Variants in GART observed in about 807,000 individuals in gnomAD.
GART encodes phosphoribosylglycinamide formyltransferase, phosphoribosylglycinamide synthetase, phosphoribosylaminoimidazole synthetase.
A neutral mutation model predicts 107.2 loss-of-function variants in GART; 43 were observed. The observed-to-expected ratio is 0.40, with a 90% confidence interval of 0.31 to 0.52. GART has a LOEUF of 0.52. Among genes scored for constraint, GART ranks in the 20% least tolerant of loss-of-function variants. The pLI is 0.52. For missense variants in GART, 1,107 were observed against 1,206.5 expected (o/e 0.92, Z 1.22); for synonymous variants, 434 against 427.0 (o/e 1.02, Z -0.20).
intron 4 of GART, among the ~76,000 whole-genome samples, chr21:33,533,356 A>G (rs941539140): frequency 4.6e-5 from 7 of 151,684 alleles, no homozygotes; most frequent in East Asian, 1.9e-4. Context: ...GCAGAATGGC[A>G]TGAACCTGGG....
intron 18 of GART, among the ~76,000 whole-genome samples, chr21:33,506,846 C>G (rs555144563): frequency 5.2e-4 from 79 of 152,132 alleles, no homozygotes; most frequent in African/African-American, 1.9e-3. Flanking sequence ...CAGAGAAATG[C>G]AAATCAAAAC....
At chr21:33,520,309 G>C in intron 14 of GART, 55 bp downstream of exon 14, 1 of 1,522,052 alleles carries the variant, frequency 6.6e-7, no homozygotes, top group South Asian at 1.1e-5. Context: ...TTTTACATAG[G>C]GCTAAAACAC....
intron 14 of GART, among the ~76,000 whole-genome samples, chr21:33,519,290 A>G (rs1300835551): frequency 3.3e-5 from 5 of 152,188 alleles, no homozygotes; most frequent in Admixed American, 1.3e-4. Context: ...ACGGTGGCTC[A>G]TGCCTGTAAT....
intron 4 of GART, among the ~76,000 whole-genome samples, chr21:33,533,350 A>G (rs2085232559): frequency 6.6e-6 from 1 of 151,666 alleles, no homozygotes; most frequent in South Asian, 2.1e-4. Context: ...GAAGCAGCAG[A>G]ATGGCATGAA....
At chr21:33,531,228 A>G in intron 6 of GART, 1 of 436,408 alleles carries the variant, frequency 2.3e-6, no homozygotes, top group Non-Finnish European at 4.0e-6. Context: ...TGAAAGAAAA[A>G]GCATGAATGC....
Position 33,505,707 on chromosome 21 carries a change from A to G in GART, c.2584-5T>C. On this transcript the variant is annotated splice_region_variant and splice_polypyrimidine_tract_variant and intron_variant, in intron 19 of 21. Transcript: ENST00000381815. ...ATACAGTTTATGATTAATTACCTGT[A>G]ATAGAAAAAGATAAGCACAACCCTT... 1 of 1,584,468 alleles carries G rather than the reference A, an allele frequency of 6.3e-7. No individual in the cohort carries two copies. The highest frequency in any genetic ancestry group is 8.6e-7 in the Non-Finnish European group (1 of 1,169,206).
intron 11 of GART, among the ~76,000 whole-genome samples, chr21:33,523,418 A>G (rs1209590556): frequency 6.6e-6 from 1 of 152,194 alleles, no homozygotes; most frequent in Admixed American, 6.5e-5. Flanking sequence ...AACTTAAATA[A>G]TTCAGACTAG....
chr21:33,521,142 G>T, intron 12 of GART, 127 bp from the exon 13 acceptor site: 1 of 668,748 alleles, frequency 1.5e-6, no homozygotes. Flanking sequence ...GGAAGAAATA[G>T]ATGATTGGAA....
chr21:33,524,427 T>A, intron 11 of GART: 1 of 577,662 alleles, frequency 1.7e-6, no homozygotes. Context: ...GGCCTGTGCC[T>A]GTAGTCCCAG....
intron 6 of GART, chr21:33,531,133 G>T (rs1002644434): frequency 7.7e-6 from 3 of 388,678 alleles, no homozygotes; most frequent in Non-Finnish European, 1.3e-5. Flanking sequence ...CAAAGTAAAA[G>T]ATTTCAACCT....
chr21:33,536,337 C>T (rs771954977), intron 2 of GART, among the ~76,000 whole-genome samples: 2 of 152,144 alleles, frequency 1.3e-5, no homozygotes, highest in Admixed American at 6.5e-5. Context: ...GGATCAACCA[C>T]ATACTGAACA....
chr21:33,520,900 G>A lies in GART; in HGVS notation c.1503+6C>T. The A allele has an allele frequency of 6.3e-7, 1 of 1,580,596 alleles. No homozygotes were observed. The highest frequency in any genetic ancestry group is 8.6e-7 in the Non-Finnish European group (1 of 1,158,356). ...AAGGCCTTTATTCACAAAGGTGTCT[G>A]ATTACCTTTAGTTTAGTTCCAACGC... On this transcript the variant is annotated splice_donor_region_variant and intron_variant, in intron 13 of 21. Transcript: ENST00000381815.
intron 11 of GART, 53 bp downstream of exon 11, chr21:33,524,716 C>A: frequency 6.2e-7 from 1 of 1,611,162 alleles, no homozygotes; most frequent in South Asian, 1.1e-5. Context: ...TCTACATAGC[C>A]ATTTAGGCCA....
At chr21:33,537,479 G>A (rs2085326994) in intron 2 of GART, among the ~76,000 whole-genome samples, 1 of 152,182 alleles carries the variant, frequency 6.6e-6, no homozygotes, top group Non-Finnish European at 1.5e-5. Context: ...TTCTACTAGA[G>A]ATTATATTCT....
intron 8 of GART, 111 bp downstream of exon 8, chr21:33,528,739 G>C: frequency 1.0e-6 from 1 of 966,588 alleles, no homozygotes; most frequent in Non-Finnish European, 1.5e-6. Flanking sequence ...TTTAAAAAAT[G>C]GTCCATTAAA....
At chr21:33,515,768 A>T (rs1365620895) in intron 16 of GART, among the ~76,000 whole-genome samples, 11 of 151,598 alleles carry the variant, frequency 7.3e-5, no homozygotes, top group Admixed American at 3.3e-4. Context: ...CCCTTTTACC[A>T]GTATGTTTCT....
At position 33,520,999 on chromosome 21, in the gene GART, A is replaced by C. The variant is rs758606776; in HGVS notation, c.1410T>G (p.Leu470=). Residue 470 remains leucine, a synonymous_variant, in exon 13 of 22, where the codon CTT becomes CTG. Coordinates refer to ENST00000381815, the MANE Select transcript of GART (RefSeq NM_000819.5). ...AATCAAAAAGACCAGCAAAACCTCC[A>C]AGATCAACTTTACAGCCTGTTGGAG... ...ATSRSGCKVD[L]GGFAGLFDLK... 2 of 1,613,862 alleles carry C rather than the reference A, an allele frequency of 1.2e-6. No individual in the cohort carries two copies. The highest frequency in any genetic ancestry group is 3.3e-5 in the Admixed American group (2 of 60,006).
chr21:33,506,872 C>T (rs1438688031), intron 18 of GART, among the ~76,000 whole-genome samples: 2 of 152,108 alleles, frequency 1.3e-5, no homozygotes, highest in South Asian at 2.1e-4. Flanking sequence ...CATATTGTCT[C>T]GCCCCGGTTA....
intron 11 of GART, among the ~76,000 whole-genome samples, chr21:33,522,692 T>C (rs945571023): frequency 5.9e-5 from 9 of 152,220 alleles, no homozygotes; most frequent in Non-Finnish European, 1.0e-4. Flanking sequence ...TTGAATACAA[T>C]TATAATGCTG....
Sources: allele counts gnomAD v4.1 joint callset (sites outside exome capture counted in the v4.1 genomes callset), GRCh38; gene constraint gnomAD v4.1.1; transcripts MANE v1.5; gene names NCBI Gene and HGNC (gene_info 2026-07-23, HGNC 2026-07-21).